FOXN3: variants seen among roughly 807,000 people sequenced by gnomAD.
FOXN3 encodes forkhead box N3.
FOXN3 carries 7 observed loss-of-function variants against 38.4 expected under a neutral mutation model. The observed-to-expected ratio is 0.18, with a 90% CI of 0.10 to 0.34. The LOEUF (loss-of-function observed/expected upper bound fraction) is 0.34. FOXN3 is among the 10% of genes least tolerant of loss of function. The pLI is 1.00. For missense variants in FOXN3, 456 were observed against 613.4 expected, an observed-to-expected ratio of 0.74 and a Z score of 2.71; for synonymous variants, 230 against 242.2, an observed-to-expected ratio of 0.95 and a Z score of 0.47.
chr14:89,213,345 T>A (rs1005347028), intron 4 of FOXN3, among the ~76,000 whole-genome samples: 1 of 152,246 alleles, frequency 6.6e-6, no homozygotes, highest in African/African-American at 2.4e-5. Context: ...GGGCTCATTC[T>A]TAGAGGCAGG....
chr14:89,285,637 A>G (rs1451591601), intron 3 of FOXN3, among the ~76,000 whole-genome samples: 1 of 152,236 alleles, frequency 6.6e-6, no homozygotes, highest in Non-Finnish European at 1.5e-5. Context: ...TTCCACATAG[A>G]AGAGGTATCT....
At chr14:89,492,457 T>C (rs920304190) in intron 1 of FOXN3, among the ~76,000 whole-genome samples, 2 of 149,914 alleles carry the variant, frequency 1.3e-5, no homozygotes, top group Non-Finnish European at 3.0e-5. Flanking sequence ...CATTAAAAAG[T>C]TTCCCAAGGT....
At chr14:89,223,092 G>C (rs921034155) in intron 4 of FOXN3, 20 of 152,206 alleles carry the variant, frequency 1.3e-4, no homozygotes, top group African/African-American at 4.3e-4. Context: ...TAAAAAATGT[G>C]AACTGGAGAG....
intron 3 of FOXN3, among the ~76,000 whole-genome samples, chr14:89,308,034 G>A (rs1887427782): frequency 6.6e-6 from 1 of 152,216 alleles, no homozygotes. Flanking sequence ...GGAGGCCGAG[G>A]TGGGCGGATC....
chr14:89,389,939 G>C (rs1318620825), intron 2 of FOXN3, among the ~76,000 whole-genome samples: 1 of 152,026 alleles, frequency 6.6e-6, no homozygotes, highest in East Asian at 1.9e-4. Flanking sequence ...AAAAATTCTG[G>C]CCAGGCACAG....
At chr14:89,411,901 AG>A (rs767389145) in intron 2 of FOXN3, 32 bp downstream of exon 2, 23 of 1,286,908 alleles carry the variant, frequency 1.8e-5, no homozygotes, top group South Asian at 1.7e-4. Flanking sequence ...AAAAAAAAAA[AG>A]AAAACCTTGG....
rs115454831 is a variant in FOXN3, at chr14:89,213,245, A to G, written c.746-32439T>C. On this transcript the variant is annotated intron_variant, in intron 4 of 5. Transcript: ENST00000557258. ...ATCCTTGCCTTTCACCAAGGGCCTC[A>G]TAAGAAAAGGGTATCTGTGGAACCT... 4.7e-3 allele frequency among the ~76,000 whole-genome samples: 722 copies of G among 152,334 alleles called. 7 individuals are homozygous for G. Among genetic ancestry groups the G allele is most frequent in the African/African-American group, 0.017 (695 of 41,576 alleles).
chr14:89,470,872 G>A (rs969520738), intron 1 of FOXN3, among the ~76,000 whole-genome samples: 63 of 152,264 alleles, frequency 4.1e-4, no homozygotes, highest in African/African-American at 1.4e-3. Flanking sequence ...TTCATGAGGG[G>A]GAGGAACCTT....
At chr14:89,329,032 C>A (rs1312729572) in intron 3 of FOXN3, among the ~76,000 whole-genome samples, 1 of 152,194 alleles carries the variant, frequency 6.6e-6, no homozygotes, top group Non-Finnish European at 1.5e-5. Context: ...TATAACCATG[C>A]AAGGCCTCGG....
chr14:89,593,993 T>A (rs997711609), intron 1 of FOXN3, among the ~76,000 whole-genome samples: 6 of 152,246 alleles, frequency 3.9e-5, no homozygotes, highest in African/African-American at 1.4e-4. Context: ...CACATTAATG[T>A]CAATGAGACT....
At chr14:89,254,781 G>T (rs1176397359) in intron 4 of FOXN3, among the ~76,000 whole-genome samples, 1 of 152,060 alleles carries the variant, frequency 6.6e-6, no homozygotes, top group African/African-American at 2.4e-5. Flanking sequence ...TTCCTAGGGG[G>T]CCTGAGAAGA....
chr14:89,206,405 T>TG (rs200569696), intron 4 of FOXN3, among the ~76,000 whole-genome samples: 3,420 of 152,290 alleles, frequency 0.022, 59 homozygotes, highest in Non-Finnish European at 0.03. Context: ...AGTTTGTATC[T>TG]GGGGCATACT....
At chr14:89,518,464 G>A (rs1566683964) in intron 1 of FOXN3, among the ~76,000 whole-genome samples, 1 of 152,118 alleles carries the variant, frequency 6.6e-6, no homozygotes, top group Non-Finnish European at 1.5e-5. Flanking sequence ...TAACTTTCTT[G>A]GGGATACAGA....
chr14:89,399,382 G>T (rs1243627505), intron 2 of FOXN3, among the ~76,000 whole-genome samples: 1 of 152,174 alleles, frequency 6.6e-6, no homozygotes, highest in African/African-American at 2.4e-5. Flanking sequence ...TCAGAGAAAG[G>T]CAGAGATGAG....
At chr14:89,396,643 C>T (rs1396863624) in intron 2 of FOXN3, among the ~76,000 whole-genome samples, 1 of 152,022 alleles carries the variant, frequency 6.6e-6, no homozygotes, top group African/African-American at 2.4e-5. Context: ...ACCAGCCTGG[C>T]CAACATGGTG....
chr14:89,335,132 C>T, intron 3 of FOXN3, among the ~76,000 whole-genome samples: 1 of 148,222 alleles, frequency 6.7e-6, no homozygotes, highest in East Asian at 2.0e-4. Context: ...CAAATGGTAA[C>T]TATATGAGGT....
chr14:89,473,878 T>C (rs1193923911), intron 1 of FOXN3, among the ~76,000 whole-genome samples: 1 of 152,204 alleles, frequency 6.6e-6, no homozygotes, highest in East Asian at 1.9e-4. Context: ...TCATTTTATT[T>C]AATACACAAA....
chr14:89,355,773 G>A (rs555045176), intron 2 of FOXN3, among the ~76,000 whole-genome samples: 1 of 152,324 alleles, frequency 6.6e-6, no homozygotes, highest in Non-Finnish European at 1.5e-5. Flanking sequence ...GGGAAGCCGG[G>A]TCAACAAAGT....
At chr14:89,249,284 C>A (rs1280644548) in intron 4 of FOXN3, among the ~76,000 whole-genome samples, 1 of 152,194 alleles carries the variant, frequency 6.6e-6, no homozygotes, top group East Asian at 1.9e-4. Context: ...ATACCTGTCT[C>A]TTCTCCATCC....
Sources: gnomAD v4.1 joint callset for allele counts (sites outside exome capture counted in the v4.1 genomes callset) on GRCh38, gnomAD v4.1.1 for gene constraint, MANE v1.5 for transcripts, NCBI Gene and HGNC (gene_info 2026-07-23, HGNC 2026-07-21) for gene names.